CALD1: variants seen among roughly 807,000 people sequenced by gnomAD.
The protein encoded by CALD1 is caldesmon 1, also known as caldesmon.
A neutral mutation model predicts 99.9 loss-of-function variants in CALD1; 33 were observed. That is an observed-to-expected ratio of 0.33 (90% confidence interval 0.25 to 0.44). The LOEUF (loss-of-function observed/expected upper bound fraction) is 0.44, where lower values mean the gene tolerates loss of function less well. CALD1 is among the 20% of genes least tolerant of loss of function. CALD1 has a pLI of 1.00. For missense variants in CALD1, 861 were observed against 962.1 expected, an observed-to-expected ratio of 0.89 and a Z score of 1.39; for synonymous variants, 310 against 325.0, an observed-to-expected ratio of 0.95 and a Z score of 0.50.
chr7:134,958,081 G>A lies in CALD1; in HGVS notation c.1948G>A (p.Ala650Thr), dbSNP rs1265473044. 1 of 1,607,274 alleles carries A rather than the reference G, an allele frequency of 6.2e-7. No homozygotes were observed. The change falls in exon 10 of 15, where the codon GCA becomes ACA. Residue 650 changes from alanine to threonine, a missense_variant. By Grantham distance (58) the Ala-to-Thr change is moderately conservative (BLOSUM62 0). Around this residue, in one of 5 missense-constraint regions of CALD1, gnomAD observed 190 missense variants for 249.0 expected, o/e 0.76. Coordinates refer to ENST00000361675, the MANE Select transcript of CALD1 (RefSeq NM_033138.4). The stretch of plus-strand genomic sequence containing the variant: ...TTGTAATTCCTAGATAGAAGAGCGA[G>A]CAGAATTTTTGAATAAGTCTGTGCA... ...KGSSLKIEER[A>T]EFLNKSVQKS...
intron 3 of CALD1, among the ~76,000 whole-genome samples, chr7:134,868,685 T>G (rs982253083): frequency 6.6e-6 from 1 of 152,234 alleles, no homozygotes; most frequent in South Asian, 2.1e-4. Flanking sequence ...TCTACTTATT[T>G]GCATGGAGAA....
chr7:134,759,130 T>C (rs1796755560), intron 1 of CALD1, among the ~76,000 whole-genome samples: 1 of 152,206 alleles, frequency 6.6e-6, no homozygotes. Flanking sequence ...AAAGAGCTAC[T>C]CAGAACAAGT....
intron 1 of CALD1, among the ~76,000 whole-genome samples, chr7:134,831,405 C>T (rs1039076747): frequency 2.0e-4 from 31 of 152,062 alleles, no homozygotes; most frequent in Non-Finnish European, 3.5e-4. Flanking sequence ...CTGCAACCTC[C>T]GCCTCCTAGG....
At chr7:134,868,205 T>A (rs371642000) in intron 3 of CALD1, 1 of 156,396 alleles carries the variant, frequency 6.4e-6, no homozygotes, top group East Asian at 1.9e-4. Flanking sequence ...CTAAAAAATA[T>A]AAAGGCAAAA....
At chr7:134,731,169 ACTCT>A in the CALD1 span, among the ~76,000 whole-genome samples, 1 of 151,380 alleles carries the variant, frequency 6.6e-6, no homozygotes, top group South Asian at 2.1e-4. Context: ...GCTCTTCCAC[ACTCT>A]CTCTCTCTTA....
intron 3 of CALD1, among the ~76,000 whole-genome samples, chr7:134,895,131 A>G (rs1202337884): frequency 6.6e-6 from 1 of 151,496 alleles, no homozygotes; most frequent in African/African-American, 2.4e-5. Context: ...ATAAATAAAT[A>G]AATAAATAAT....
intron 2 of CALD1, among the ~76,000 whole-genome samples, chr7:134,865,335 G>C (rs3800746): frequency 0.77 from 116,452 of 151,206 alleles, 45,413 homozygotes; most frequent in East Asian, 0.98. Context: ...AACACATACA[G>C]CTTCTCTCCC....
intron 7 of CALD1, among the ~76,000 whole-genome samples, chr7:134,946,331 A>G (rs2347903): frequency 0.18 from 27,399 of 152,132 alleles, 3,117 homozygotes; most frequent in South Asian, 0.37. Flanking sequence ...GTAAAAACAA[A>G]CATCACCTAA....
intron 3 of CALD1, among the ~76,000 whole-genome samples, chr7:134,873,687 T>C (rs1303032379): frequency 1.3e-5 from 2 of 152,194 alleles, no homozygotes; most frequent in Non-Finnish European, 2.9e-5. Flanking sequence ...ACTGGGCAGC[T>C]ATAGTGTCAA....
At chr7:134,808,692 G>A (rs1798244073) in intron 1 of CALD1, among the ~76,000 whole-genome samples, 1 of 152,174 alleles carries the variant, frequency 6.6e-6, no homozygotes, top group South Asian at 2.1e-4. Context: ...CCACTCATTT[G>A]CCTGGTGAAG....
intron 2 of CALD1, among the ~76,000 whole-genome samples, chr7:134,851,670 C>A (rs184461925): frequency 2.4e-4 from 37 of 152,232 alleles, no homozygotes; most frequent in African/African-American, 8.9e-4. Context: ...CCATGCTTAG[C>A]CACCCCTACT....
At chr7:134,774,797 C>A (rs1021136377), upstream of CALD1, among the ~76,000 whole-genome samples, 1 of 152,164 alleles carries the variant, frequency 6.6e-6, no homozygotes, top group Admixed American at 6.5e-5. Flanking sequence ...TTCCATAGTC[C>A]AAAATTTGCC....
At chr7:134,932,383 A>G (rs770258883) in intron 4 of CALD1, among the ~76,000 whole-genome samples, 2 of 152,240 alleles carry the variant, frequency 1.3e-5, no homozygotes, top group Non-Finnish European at 2.9e-5. Context: ...TGACTTGATG[A>G]CATGGGAGAA....
In CALD1 at chr7:134,797,213, G is replaced by T. The variant is rs138196821; in HGVS notation, c.-130+17464G>T. Among the ~76,000 whole-genome samples the T allele has an allele frequency of 7.0e-3, 1,059 of 152,160 alleles. 20 individuals carry two copies. The highest frequency in any genetic ancestry group is 0.024 in the African/African-American group (997 of 41,512). ...TTACTCAAACTGGTTTCGAACTCTAGGGCTCAAGTAATCCTCCCACCTTGG... is the reference window on the plus strand; with the variant it reads ...TTACTCAAACTGGTTTCGAACTCTATGGCTCAAGTAATCCTCCCACCTTGG... On this transcript the variant is annotated intron_variant, in intron 1 of 14. Coordinates refer to ENST00000361675, the MANE Select transcript of CALD1 (RefSeq NM_033138.4).
chr7:134,726,635 C>A, the CALD1 span, among the ~76,000 whole-genome samples: 1 of 151,244 alleles, frequency 6.6e-6, no homozygotes. Flanking sequence ...GCAGTTCTAG[C>A]CATCACCATA....
At chr7:134,881,707 T>C (rs1200018759) in intron 3 of CALD1, among the ~76,000 whole-genome samples, 1 of 152,186 alleles carries the variant, frequency 6.6e-6, no homozygotes, top group African/African-American at 2.4e-5. Flanking sequence ...TGACTGGCTG[T>C]CAGGTATTCT....
intron 1 of CALD1, among the ~76,000 whole-genome samples, chr7:134,826,220 C>T (rs4732058): frequency 0.097 from 14,819 of 152,110 alleles, 891 homozygotes; most frequent in Middle Eastern, 0.17. Context: ...TCCAAGGACC[C>T]GGTCAACATT....
intron 8 of CALD1, among the ~76,000 whole-genome samples, chr7:134,948,869 CTT>C (rs563118718): frequency 1.4e-5 from 2 of 141,974 alleles, no homozygotes; most frequent in Admixed American, 7.1e-5. Context: ...ACACCCCAGG[CTT>C]TTTTTTTTTT....
In CALD1 at chr7:134,958,226, C is replaced by A; in HGVS notation, c.1997C>A (p.Thr666Asn). 6.2e-7 allele frequency: 1 copy of A among 1,613,862 alleles called. No homozygotes were observed. Among genetic ancestry groups the A allele is most frequent in the Non-Finnish European group, 8.5e-7 (1 of 1,179,954 alleles). ...SVQKSSGVKS[T>N]HQAAIVSKID... The stretch of plus-strand genomic sequence containing the variant: ...TTTTTTAGCAGTGGTGTCAAATCGA[C>A]CCATCAAGCAGCAATAGTCTCCAAG... The change falls in exon 11 of 15, where the codon ACC becomes AAC. Residue 666 changes from threonine to asparagine, a missense_variant. Transcript: ENST00000361675.
Sources: allele counts gnomAD v4.1 joint callset (sites outside exome capture counted in the v4.1 genomes callset), GRCh38; gene constraint gnomAD v4.1.1; regional missense constraint gnomAD v4.1.1; transcripts MANE v1.5; gene names NCBI Gene and HGNC (gene_info 2026-07-23, HGNC 2026-07-21).